Variants in CEP170B observed in about 807,000 individuals in gnomAD.
CEP170B encodes centrosomal protein 170B.
A neutral mutation model predicts 120.6 loss-of-function variants in CEP170B; 55 were observed. The observed-to-expected ratio is 0.46, with a 90% CI of 0.37 to 0.57. The LOEUF is 0.57. CEP170B is among the 20% of genes least tolerant of loss of function. The pLI is 0.00. For synonymous variants in CEP170B, 1,033 were observed against 954.5 expected (o/e 1.08, Z -1.52); for missense variants, 2,212 against 2,253.3 (o/e 0.98, Z 0.37).
chr14:104,891,069 GGATGGAT>G lies in CEP170B; in HGVS notation c.3878+1313_3878+1319del, dbSNP rs1896837604. Among the ~76,000 whole-genome samples the G allele has an allele frequency of 6.6e-6, 1 of 151,570 alleles. No individual in the cohort carries two copies. The highest frequency in any genetic ancestry group is 1.5e-5 in the Non-Finnish European group (1 of 67,812). On this transcript the variant is annotated intron_variant, in intron 13 of 18. Transcript: ENST00000414716. The surrounding 1 kb of genome is among the most constrained non-coding windows in gnomAD (Gnocchi z 4.3). ...TGGATGAGTGGGTGGGTGGATGGATGGATGGATGGATGGAGAGTGAGTGGGTGGATGG... is the reference window on the plus strand; with the variant it reads ...TGGATGAGTGGGTGGGTGGATGGATGGGATGGAGAGTGAGTGGGTGGATGG...
rs1054793871 is a variant in CEP170B, at chr14:104,895,101, C to T, written c.*143C>T. The stretch of plus-strand genomic sequence containing the variant: ...TCCCTGTGGGCGGGTGCCTCCCACG[C>T]CCTTGCCCCCTCGTCAGCTCCCAGC... On this transcript the variant is annotated 3_prime_UTR_variant, in exon 19 of 19. Coordinates refer to ENST00000414716, the MANE Select transcript of CEP170B (RefSeq NM_001112726.3). 59 of 930,142 alleles carry T rather than the reference C, an allele frequency of 6.3e-5. No individual in the cohort carries two copies. Among genetic ancestry groups the T allele is most frequent in the Non-Finnish European group, 8.4e-5 (54 of 643,348 alleles). The allele number at this position is 930,142 out of a possible 1,614,324, so 57.6% of individuals were successfully genotyped here. A position where few individuals can be genotyped will look rare whatever the true frequency, so the allele number is the denominator to read the frequency against.
rs1386330296 is a variant in CEP170B, at chr14:104,893,676, C to CCACTACCGCCACGGAGCT, written c.4182+11_4182+28dup. ...TCGGAACCGAGAGGAGGCACGGTGC[C>CCACTACCGCCACGGAGCT]CACTACCGCCACGGAGCTGGGTGTG... is the stretch of plus-strand genomic sequence containing the variant. On this transcript the variant is annotated intron_variant, in intron 15 of 18. Coordinates refer to ENST00000414716, the MANE Select transcript of CEP170B (RefSeq NM_001112726.3). 1 of 1,582,406 alleles carries CCACTACCGCCACGGAGCT rather than the reference C, an allele frequency of 6.3e-7. No homozygotes were observed. Among genetic ancestry groups the CCACTACCGCCACGGAGCT allele is most frequent in the African/African-American group, 1.3e-5 (1 of 74,194 alleles).
intron 16 of CEP170B, 102 bp from the exon 17 acceptor site, chr14:104,894,183 G>A (rs895874222): frequency 2.3e-5 from 22 of 946,936 alleles, no homozygotes; most frequent in Non-Finnish European, 2.2e-5. Context: ...AGGTGGGCTG[G>A]GATGAACTTC....
rs758006075 is a variant in CEP170B, at chr14:104,887,196, C to T, written c.2957C>T (p.Ser986Leu). The change falls in exon 12 of 19, where the codon TCG (serine) becomes TTG (leucine). Residue 986 changes from serine (S) to leucine (L), a missense_variant. This residue lies in a region of CEP170B where 2,166 missense variants were observed against 2,166.7 expected (regional missense o/e 1.00). Coordinates refer to ENST00000414716, the MANE Select transcript of CEP170B (RefSeq NM_001112726.3). The part of the protein sequence containing the change: ...PQPLRAQKEM[S>L]PSPPAAQDPG... Reference sequence around the variant, plus strand: ...CCTCTGCGGGCACAGAAGGAGATGTCGCCATCCCCGCCAGCTGCACAGGAC... The same window carrying T: ...CCTCTGCGGGCACAGAAGGAGATGTTGCCATCCCCGCCAGCTGCACAGGAC... 8 of 1,605,828 alleles carry T rather than the reference C, an allele frequency of 5.0e-6. No individual in the cohort carries two copies. Among genetic ancestry groups the T allele is most frequent in the African/African-American group, 2.7e-5 (2 of 74,952 alleles).
Position 104,877,067 on chromosome 14 carries a change from T to C in CEP170B, c.195+722T>C, listed in dbSNP as rs552555638. On this transcript the variant is annotated intron_variant, in intron 3 of 18. Transcript: ENST00000414716. ...AGCTTGTCCTGGGACACTCTATCTT[T>C]ACTGCACTCTGCAGTCCTGAGCTGG... 4.9e-3 allele frequency among the ~76,000 whole-genome samples: 741 copies of C among 152,194 alleles called. 4 individuals carry two copies. Among genetic ancestry groups the C allele is most frequent in the African/African-American group, 0.017 (717 of 41,522 alleles).
At chr14:104,890,748 G>A (rs1896803233) in intron 13 of CEP170B, among the ~76,000 whole-genome samples, 1 of 134,300 alleles carries the variant, frequency 7.4e-6, no homozygotes, top group Non-Finnish European at 1.6e-5. Context: ...TGGATGAATG[G>A]ATGAGTGAGT....
Position 104,886,521 on chromosome 14 carries a change from C to T in CEP170B, c.2282C>T (p.Pro761Leu). Residue 761 changes from proline to leucine, a missense_variant, in exon 12 of 19, where the codon CCA becomes CTA. Around this residue, in one of 2 missense-constraint regions of CEP170B, gnomAD observed 2,166 missense variants for 2,166.7 expected, o/e 1.00. Transcript: ENST00000414716. ...TCGGACGGGGGCCGAGGCCCCGAGC[C>T]AGGGGTGGAGCCACAGGACAGCAGA... ...SGSDGGRGPE[P>L]GVEPQDSRRR... The T allele has an allele frequency of 4.6e-6, 7 of 1,516,630 alleles. No homozygotes were observed. Among genetic ancestry groups the T allele is most frequent in the Non-Finnish European group, 6.2e-6 (7 of 1,135,360 alleles). 93.9% of individuals were successfully genotyped at this position (1,516,630 alleles called of 1,614,324 possible).
At chr14:104,871,611 G>A (rs1324803561) in intron 2 of CEP170B, among the ~76,000 whole-genome samples, 1 of 152,186 alleles carries the variant, frequency 6.6e-6, no homozygotes, top group Non-Finnish European at 1.5e-5. Flanking sequence ...CTGCAGAGAG[G>A]GGCCAGCAAG....
At chr14:104,878,038 G>A in intron 4 of CEP170B, 75 bp downstream of exon 4, 2 of 1,239,330 alleles carry the variant, frequency 1.6e-6, no homozygotes, top group Non-Finnish European at 2.3e-6. Flanking sequence ...TGTTACTCCA[G>A]AAGCAGGGCT....
rs1240165003 is a variant in CEP170B, at chr14:104,884,950, G to C, written c.1770+401G>C. On this transcript the variant is annotated intron_variant, in intron 9 of 18. Coordinates refer to ENST00000414716, the MANE Select transcript of CEP170B (RefSeq NM_001112726.3). ...GAGTGAGAGCACTCGTGGGGAACGG[G>C]GGGTGGAGGCGATGCCGGGGGTGGC... 1.2e-3 allele frequency among the ~76,000 whole-genome samples: 129 copies of C among 112,150 alleles called. 1 individual carries two copies. Among genetic ancestry groups the C allele is most frequent in the Non-Finnish European group, 1.9e-3 (97 of 51,288 alleles). 73.6% of individuals were successfully genotyped at this position (112,150 alleles called of 152,430 possible). A position where few individuals can be genotyped will look rare whatever the true frequency, so the allele number is the denominator to read the frequency against.
At position 104,877,864 on chromosome 14, in the gene CEP170B, CCGCCA is replaced by C; in HGVS notation, c.196-19_196-15del. 2 of 1,204,068 alleles carry C rather than the reference CCGCCA, an allele frequency of 1.7e-6. No individual in the cohort carries two copies. Among genetic ancestry groups the C allele is most frequent in the South Asian group, 1.5e-5 (1 of 68,656 alleles). The allele number at this position is 1,204,068 out of a possible 1,614,324, so 74.6% of individuals were successfully genotyped here. A position where few individuals can be genotyped will look rare whatever the true frequency, so the allele number is the denominator to read the frequency against. On this transcript the variant is annotated splice_polypyrimidine_tract_variant and intron_variant, in intron 3 of 18. Transcript: ENST00000414716. ...CACCCGCGCAGCTCCCCCCCCCCCC[CCGCCA>C]CCTGTTTTCCTGCAGACGTTTGTGA...
chr14:104,894,234 T>C, intron 16 of CEP170B, 51 bp from the exon 17 acceptor site: 1 of 1,382,836 alleles, frequency 7.2e-7, no homozygotes. Flanking sequence ...GCCTCAGCTC[T>C]GTCATCTCTG....
At chr14:104,885,616 A>G in intron 10 of CEP170B, 74 bp downstream of exon 10, 1 of 1,490,422 alleles carries the variant, frequency 6.7e-7, no homozygotes. Context: ...ACCTGGGGTC[A>G]GCGGGCCCCC....
At chr14:104,880,569 C>T in intron 6 of CEP170B, 144 bp downstream of exon 6, 1 of 1,234,946 alleles carries the variant, frequency 8.1e-7, no homozygotes, top group Non-Finnish European at 1.1e-6. Flanking sequence ...CACACCTACC[C>T]TTGCACATGC....
At chr14:104,889,519 G>A (rs770807911) in intron 12 of CEP170B, 101 bp from the exon 13 acceptor site, 22 of 1,581,490 alleles carry the variant, frequency 1.4e-5, no homozygotes, top group Middle Eastern at 1.7e-4. Flanking sequence ...ACCAAGACAC[G>A]AGGCGCCGGC....
At position 104,890,857 on chromosome 14, in the gene CEP170B, G is replaced by A. The variant is rs1595358800; in HGVS notation, c.3878+1099G>A. Among the ~76,000 whole-genome samples, 10 of 136,424 alleles carry A rather than the reference G, an allele frequency of 7.3e-5. No individual in the cohort carries two copies. In the South Asian group the frequency reaches 2.6e-3, roughly 36 times the overall value. The allele number at this position is 136,424 out of a possible 152,430, so 89.5% of individuals were successfully genotyped here. A position where few individuals can be genotyped will look rare whatever the true frequency, so the allele number is the denominator to read the frequency against. The stretch of plus-strand genomic sequence containing the variant: ...GATGGATGAATGGATGAATGAGTGG[G>A]TGGGTGGGTGGATGGATGAATGGAT... On this transcript the variant is annotated intron_variant, in intron 13 of 18. Transcript: ENST00000414716.
At chr14:104,871,299 G>A (rs149998436) in intron 2 of CEP170B, among the ~76,000 whole-genome samples, 1,572 of 152,112 alleles carry the variant, frequency 0.01, 33 homozygotes, top group African/African-American at 0.036. Context: ...TCCCAAGCTC[G>A]GTGGCTGAAC....
chr14:104,873,292 G>A (rs541802060), intron 2 of CEP170B, among the ~76,000 whole-genome samples: 1 of 151,070 alleles, frequency 6.6e-6, no homozygotes, highest in Non-Finnish European at 1.5e-5. Flanking sequence ...AGCTGGTGTG[G>A]GCCGGGTGGG....
At chr14:104,880,494 C>T in intron 6 of CEP170B, 69 bp downstream of exon 6, 1 of 1,570,722 alleles carries the variant, frequency 6.4e-7, no homozygotes, top group Non-Finnish European at 8.6e-7. Context: ...CCGCACCTGC[C>T]TCTCTGCACC....
Sources: gnomAD v4.1 joint callset for allele counts (sites outside exome capture counted in the v4.1 genomes callset) on GRCh38, gnomAD v4.1.1 for gene constraint, gnomAD v4.1.1 regional missense constraint, Gnocchi (gnomAD v3.1) non-coding constraint, MANE v1.5 for transcripts, NCBI Gene and HGNC (gene_info 2026-07-23, HGNC 2026-07-21) for gene names.